The following DLGAP2 variants were observed in gnomAD, a reference collection of about 807,000 sequenced individuals.
DLGAP2 encodes the protein DLG associated protein 2, also known as disks large-associated protein 2.
DLGAP2 carries 26 observed loss-of-function variants against 100.3 expected under a neutral mutation model. The observed-to-expected ratio is 0.26, with a 90% CI of 0.19 to 0.36. DLGAP2 has a LOEUF of 0.36. Ranked by LOEUF, DLGAP2 falls within the 10% of genes least tolerant of loss-of-function variation. The pLI is 1.00. For missense variants in DLGAP2, 1,858 were observed against 1,453.2 expected, an observed-to-expected ratio of 1.28 and a Z score of -4.53; for synonymous variants, 886 against 630.1, an observed-to-expected ratio of 1.41 and a Z score of -6.08.
intron 1 of DLGAP2, among the ~76,000 whole-genome samples, chr8:894,000 C>T (rs1015515048): frequency 3.3e-5 from 5 of 152,232 alleles, no homozygotes; most frequent in East Asian, 3.9e-4. Context: ...GTCACCCAGG[C>T]CGTGTGGCTC....
chr8:1,388,252 G>T (rs111726363), intron 3 of DLGAP2, among the ~76,000 whole-genome samples: 16 of 123,352 alleles, frequency 1.3e-4, no homozygotes, highest in African/African-American at 1.6e-4. Context: ...AAGAGGCAGA[G>T]GCCGTGGATG....
chr8:745,615 C>G (rs946329714), intron 1 of DLGAP2, among the ~76,000 whole-genome samples: 2 of 152,174 alleles, frequency 1.3e-5, no homozygotes, highest in Non-Finnish European at 1.5e-5. Flanking sequence ...CATGAATTTA[C>G]AATAAGTTAG....
intron 2 of DLGAP2, among the ~76,000 whole-genome samples, chr8:946,445 T>G (rs547601831): frequency 2.6e-5 from 4 of 151,800 alleles, no homozygotes; most frequent in Non-Finnish European, 4.4e-5. Context: ...TTGTAGTTTT[T>G]GTAGAGACGG....
chr8:1,353,673 C>G (rs1253455002), intron 3 of DLGAP2, among the ~76,000 whole-genome samples: 1 of 152,094 alleles, frequency 6.6e-6, no homozygotes, highest in East Asian at 1.9e-4. Context: ...CTTAGATTAG[C>G]AAGCTTTTAG....
chr8:1,298,211 G>A (rs1257672384), intron 3 of DLGAP2, among the ~76,000 whole-genome samples: 3 of 152,174 alleles, frequency 2.0e-5, no homozygotes, highest in African/African-American at 7.2e-5. Flanking sequence ...ACGCGAGATA[G>A]GGAGGATTCA....
intron 1 of DLGAP2, among the ~76,000 whole-genome samples, chr8:878,494 T>A (rs1542905): frequency 0.82 from 124,345 of 152,054 alleles, 51,863 homozygotes; most frequent in African/African-American, 0.88. Flanking sequence ...TGAGAGAGTA[T>A]ATTTCTAGGA....
intron 8 of DLGAP2, among the ~76,000 whole-genome samples, chr8:1,649,713 T>C (rs1798120750): frequency 6.6e-6 from 1 of 152,258 alleles, no homozygotes; most frequent in South Asian, 2.1e-4. Flanking sequence ...TTTAATTATA[T>C]TGGATTTATT....
intron 2 of DLGAP2, among the ~76,000 whole-genome samples, chr8:1,199,618 C>T (rs1360400417): frequency 1.3e-5 from 2 of 152,156 alleles, no homozygotes; most frequent in African/African-American, 4.8e-5. Context: ...AAACTCATGC[C>T]AGCCAGATGG....
intron 6 of DLGAP2, among the ~76,000 whole-genome samples, chr8:1,617,357 A>T (rs909532162): frequency 2.0e-5 from 3 of 152,220 alleles, no homozygotes; most frequent in Admixed American, 2.0e-4. Context: ...GTGTATGAGC[A>T]TTCCCTTTTC....
chr8:1,146,602 T>TGTGTGTGCATGCAC (rs950360069), intron 2 of DLGAP2, among the ~76,000 whole-genome samples: 2 of 152,080 alleles, frequency 1.3e-5, no homozygotes, highest in African/African-American at 2.4e-5. Flanking sequence ...CACCTGCGCA[T>TGTGTGTGCATGCAC]GTGTGTGCAT....
At chr8:1,582,324 AAAAAG>A (rs888228182) in intron 6 of DLGAP2, among the ~76,000 whole-genome samples, 4 of 150,082 alleles carry the variant, frequency 2.7e-5, no homozygotes, top group Admixed American at 6.7e-5. Flanking sequence ...AAAAAAAAAA[AAAAAG>A]AAAGAAAGAA....
intron 2 of DLGAP2, among the ~76,000 whole-genome samples, chr8:909,590 T>C (rs754801416): frequency 6.6e-6 from 1 of 152,174 alleles, no homozygotes; most frequent in Non-Finnish European, 1.5e-5. Flanking sequence ...CCAAGAGAGC[T>C]GCCTTCCACT....
At chr8:1,247,454 G>C (rs371816106) in intron 2 of DLGAP2, among the ~76,000 whole-genome samples, 2 of 98,598 alleles carry the variant, frequency 2.0e-5, no homozygotes, top group Admixed American at 9.2e-5. Flanking sequence ...AGACCTTTGA[G>C]ATCAGTGTGG....
intron 2 of DLGAP2, among the ~76,000 whole-genome samples, chr8:1,167,116 A>G (rs990948418): frequency 1.3e-5 from 2 of 152,156 alleles, no homozygotes; most frequent in Non-Finnish European, 2.9e-5. Context: ...AGCCTGGGCA[A>G]CTGATCAAGG....
intron 7 of DLGAP2, among the ~76,000 whole-genome samples, chr8:1,631,284 G>A (rs1291407803): frequency 6.6e-6 from 1 of 152,086 alleles, no homozygotes; most frequent in Non-Finnish European, 1.5e-5. Flanking sequence ...TTCTTTAGGA[G>A]CGAGGGCAGC....
intron 2 of DLGAP2, among the ~76,000 whole-genome samples, chr8:1,093,149 G>A (rs889819618): frequency 3.9e-5 from 6 of 152,142 alleles, no homozygotes; most frequent in South Asian, 2.1e-4. Flanking sequence ...TGAGGCCCAC[G>A]GTATGAGGGC....
At chr8:1,107,141 T>C (rs1346082684) in intron 2 of DLGAP2, among the ~76,000 whole-genome samples, 1 of 152,144 alleles carries the variant, frequency 6.6e-6, no homozygotes, top group East Asian at 1.9e-4. Flanking sequence ...TAAAAATCAG[T>C]GGGGGTACTT....
chr8:1,425,338 G>A (rs941059081), intron 3 of DLGAP2, among the ~76,000 whole-genome samples: 19 of 152,146 alleles, frequency 1.2e-4, no homozygotes, highest in African/African-American at 3.9e-4. Context: ...GTCAGAAGGG[G>A]ACCTGGTGTT....
chr8:1,197,857 T>C (rs1232641358), intron 2 of DLGAP2, among the ~76,000 whole-genome samples: 1 of 152,194 alleles, frequency 6.6e-6, no homozygotes, highest in Non-Finnish European at 1.5e-5. Flanking sequence ...TGGAATCAGG[T>C]TTCTCGTCTC....
Sources: allele counts gnomAD v4.1 joint callset (sites outside exome capture counted in the v4.1 genomes callset), GRCh38; gene constraint gnomAD v4.1.1; transcripts MANE v1.5; gene names NCBI Gene and HGNC (gene_info 2026-07-23, HGNC 2026-07-21).